PPFIBP2: variants seen among roughly 807,000 people sequenced by gnomAD.
PPFIBP2 encodes PPFIB scaffold protein 2, also known as liprin-beta-2.
PPFIBP2 carries 118 observed loss-of-function variants against 118.3 expected under a neutral mutation model. That is an observed-to-expected ratio of 1.00 (90% CI 0.86 to 1.16). The LOEUF (loss-of-function observed/expected upper bound fraction) is 1.16, where lower values mean the gene tolerates loss of function less well. Ranked by LOEUF, PPFIBP2 falls within the 50% of genes most tolerant of loss-of-function variation. The probability of loss-of-function intolerance (pLI) is 0.00; values close to 1 mark genes in which losing one functional copy is unlikely to be tolerated. For missense variants in PPFIBP2, 1,195 were observed against 1,073.1 expected (o/e 1.11, Z -1.59); for synonymous variants, 414 against 397.4 (o/e 1.04, Z -0.50).
chr11:7,603,382 G>C (rs529292935), intron 5 of PPFIBP2, among the ~76,000 whole-genome samples: 1 of 152,124 alleles, frequency 6.6e-6, no homozygotes, highest in Non-Finnish European at 1.5e-5. Flanking sequence ...CCTCAAACTC[G>C]AGTTGACTAC....
At chr11:7,666,586 G>A in the PPFIBP2 span, 3 of 1,500,894 alleles carry the variant, frequency 2.0e-6, no homozygotes, top group Non-Finnish European at 1.9e-6. Context: ...GCCCCTCCAG[G>A]GCCATCCTCT....
At chr11:7,555,309 A>T (rs139762552) in intron 2 of PPFIBP2, among the ~76,000 whole-genome samples, 1 of 152,156 alleles carries the variant, frequency 6.6e-6, no homozygotes, top group Non-Finnish European at 1.5e-5. Flanking sequence ...CTGTTTTATG[A>T]CAGTTAAAGA....
rs764358097 is a variant in PPFIBP2, at chr11:7,616,980, G to A, written c.619-3955G>A. ...CTGTTGTGGAAAGTGGAGGGCCGTC[G>A]ACAGTGACCACTGAGTGCCACCTGC... is the stretch of plus-strand genomic sequence containing the variant. On this transcript the variant is annotated intron_variant, in intron 6 of 23. Coordinates refer to ENST00000299492, the MANE Select transcript of PPFIBP2 (RefSeq NM_003621.5). The surrounding 1 kb of genome is among the most constrained non-coding windows in gnomAD (Gnocchi z 5.2). 7.0e-4 allele frequency: 210 copies of A among 301,096 alleles called. No individual in the cohort carries two copies. Among genetic ancestry groups the A allele is most frequent in the Non-Finnish European group, 9.5e-4 (194 of 204,436 alleles). 18.7% of individuals were successfully genotyped at this position (301,096 alleles called of 1,614,324 possible).
Position 7,610,309 on chromosome 11 carries a change from T to C in PPFIBP2, c.505T>C (p.Ser169Pro). 1 of 1,614,088 alleles carries C rather than the reference T, an allele frequency of 6.2e-7. No individual in the cohort carries two copies. The highest frequency in any genetic ancestry group is 1.6e-4 in the Middle Eastern group (1 of 6,062). Residue 169 changes from serine (S) to proline (P), a missense_variant, in exon 6 of 24, where the codon TCT (serine) becomes CCT (proline). Coordinates refer to ENST00000299492, the MANE Select transcript of PPFIBP2 (RefSeq NM_003621.5). ...CTTGCAGGAGCTGCTAAGCCGCACATCTCTTGAGACCCAGAAGCTCGATCT... is the reference window on the plus strand; with the variant it reads ...CTTGCAGGAGCTGCTAAGCCGCACACCTCTTGAGACCCAGAAGCTCGATCT... ...MLQQELLSRT[S>P]LETQKLDLMT...
chr11:7,648,667 G>T, intron 18 of PPFIBP2, 130 bp downstream of exon 18: 1 of 1,459,498 alleles, frequency 6.9e-7, no homozygotes, highest in Non-Finnish European at 9.5e-7. Context: ...CTCTGTAGCT[G>T]CAGGTTGGCA....
At chr11:7,658,188 C>T (rs924948461), downstream of PPFIBP2, among the ~76,000 whole-genome samples, 2 of 151,604 alleles carry the variant, frequency 1.3e-5, no homozygotes, top group African/African-American at 4.9e-5. Flanking sequence ...GGTACATGTG[C>T]ACATTGTGCA....
chr11:7,521,533 A>G (rs983297847), intron 1 of PPFIBP2, among the ~76,000 whole-genome samples: 3 of 152,228 alleles, frequency 2.0e-5, no homozygotes, highest in Non-Finnish European at 4.4e-5. Context: ...CAGGATATAG[A>G]TCAAATTCTT....
intron 5 of PPFIBP2, among the ~76,000 whole-genome samples, chr11:7,603,552 C>G (rs1320715692): frequency 6.6e-6 from 1 of 152,194 alleles, no homozygotes; most frequent in East Asian, 1.9e-4. Flanking sequence ...CTGCAGTCCT[C>G]TGTCATTGGT....
chr11:7,603,424 G>A (rs1846926045), intron 5 of PPFIBP2, among the ~76,000 whole-genome samples: 1 of 152,226 alleles, frequency 6.6e-6, no homozygotes, highest in Non-Finnish European at 1.5e-5. Flanking sequence ...TGTTACTCAT[G>A]AAAGAGACTT....
chr11:7,655,308 G>A (rs1321523862), downstream of PPFIBP2: 5 of 638,130 alleles, frequency 7.8e-6, no homozygotes, highest in East Asian at 2.7e-4. Context: ...CCCACTCCTT[G>A]CCTGTCCCTC....
At position 7,653,037 on chromosome 11, in the gene PPFIBP2, G is replaced by C. The variant is rs1854287628; in HGVS notation, c.2450G>C (p.Gly817Ala). 6.2e-7 allele frequency: 1 copy of C among 1,609,244 alleles called. No individual in the cohort carries two copies. Residue 817 changes from glycine to alanine, a missense_variant, in exon 24 of 24, where the codon GGA becomes GCA. By Grantham distance (60) the Gly-to-Ala change is moderately conservative. Transcript: ENST00000299492. ...TTAKVRPRKL[G>A]FSHFGNIRKK... ...TCTGTGTTTTAGCCAAGGAAACTAG[G>C]ATTTTCACACTTCGGAAACATAAGA...
the PPFIBP2 span, among the ~76,000 whole-genome samples, chr11:7,663,691 C>A: frequency 5.2e-4 from 79 of 152,330 alleles, no homozygotes; most frequent in African/African-American, 1.5e-3. Context: ...TCGAGCTTCC[C>A]GGCTGCTTTG....
At chr11:7,526,907 A>G (rs545789903) in intron 1 of PPFIBP2, among the ~76,000 whole-genome samples, 21 of 152,100 alleles carry the variant, frequency 1.4e-4, no homozygotes, top group African/African-American at 4.8e-4. Context: ...CCTTGGCCCA[A>G]CCATCTGAAA....
chr11:7,637,911 C>T lies in PPFIBP2; in HGVS notation c.1237-1821C>T, dbSNP rs561383009. Among the ~76,000 whole-genome samples, 411 of 152,248 alleles carry T rather than the reference C, an allele frequency of 2.7e-3. 1 individual carries two copies. Among genetic ancestry groups the T allele is most frequent in the Non-Finnish European group, 4.2e-3 (287 of 68,002 alleles). ...CATCTCAGCTCCTCAGGGAGCTCCC[C>T]GGGTGGCCCACTTGCTTCCTTGGCT... On this transcript the variant is annotated intron_variant, in intron 14 of 23. Transcript: ENST00000299492.
Position 7,593,035 on chromosome 11 carries a change from A to G in PPFIBP2, c.280-97A>G, listed in dbSNP as rs1590426052. On this transcript the variant is annotated intron_variant, in intron 3 of 23. Coordinates refer to ENST00000299492, the MANE Select transcript of PPFIBP2 (RefSeq NM_003621.5). ...TTTTGTACATATAATCAGTGAAACT[A>G]TCCTCACAAATTACATGCATCCCTT... is the stretch of plus-strand genomic sequence containing the variant. The G allele has an allele frequency of 4.0e-6, 6 of 1,504,006 alleles. No individual in the cohort carries two copies. In the East Asian group the frequency reaches 1.4e-4, roughly 35 times the overall value. The allele number at this position is 1,504,006 out of a possible 1,614,324, so 93.2% of individuals were successfully genotyped here. A position where few individuals can be genotyped will look rare whatever the true frequency, so the allele number is the denominator to read the frequency against.
the PPFIBP2 span, among the ~76,000 whole-genome samples, chr11:7,662,215 G>A: frequency 2.0e-4 from 30 of 152,028 alleles, no homozygotes; most frequent in East Asian, 1.5e-3. Flanking sequence ...TATTTTGCTC[G>A]TTAGTTGATG....
At chr11:7,573,435 T>C (rs952664511) in intron 3 of PPFIBP2, among the ~76,000 whole-genome samples, 1 of 152,246 alleles carries the variant, frequency 6.6e-6, no homozygotes, top group Non-Finnish European at 1.5e-5. Context: ...CATTTTGGTG[T>C]CCATAAATAA....
intron 4 of PPFIBP2, chr11:7,597,243 A>G: frequency 6.5e-7 from 1 of 1,530,086 alleles, no homozygotes. Context: ...GCTGTTCTGG[A>G]AGAGGAATAA....
intron 3 of PPFIBP2, among the ~76,000 whole-genome samples, chr11:7,573,245 T>C (rs763438571): frequency 4.6e-5 from 7 of 152,122 alleles, no homozygotes; most frequent in Non-Finnish European, 8.8e-5. Flanking sequence ...CCCCCTCAGG[T>C]CCAGGCAGTT....
Sources: gnomAD v4.1 joint callset for allele counts (sites outside exome capture counted in the v4.1 genomes callset) on GRCh38, gnomAD v4.1.1 for gene constraint, Gnocchi (gnomAD v3.1) non-coding constraint, MANE v1.5 for transcripts, NCBI Gene and HGNC (gene_info 2026-07-23, HGNC 2026-07-21) for gene names.